Variants in RSRC1 observed in about 807,000 individuals in gnomAD.
RSRC1 encodes serine/Arginine-related protein 53.
Under a neutral mutation model 49.1 loss-of-function variants are expected in RSRC1, and 39 were observed. The observed-to-expected ratio is 0.79, with a 90% CI of 0.61 to 1.04. The LOEUF (loss-of-function observed/expected upper bound fraction) is 1.04, where lower values mean the gene tolerates loss of function less well. Ranked by LOEUF, RSRC1 falls within the 50% of genes least tolerant of loss-of-function variation. The pLI is 0.00. For missense variants in RSRC1, 388 were observed against 402.4 expected (o/e 0.96, Z 0.31); for synonymous variants, 143 against 130.8 (o/e 1.09, Z -0.63).
chr3:158,204,029 T>C (rs1421574717), intron 4 of RSRC1, among the ~76,000 whole-genome samples: 1 of 152,176 alleles, frequency 6.6e-6, no homozygotes, highest in Non-Finnish European at 1.5e-5. Flanking sequence ...TATCCTCTTT[T>C]GTCAGTCTTT....
chr3:158,364,868 TATAA>T (rs886804364), intron 6 of RSRC1, among the ~76,000 whole-genome samples: 95 of 147,722 alleles, frequency 6.4e-4, no homozygotes, highest in African/African-American at 2.2e-3. Context: ...TGTAGAGATT[TATAA>T]ATAAATTAAT....
intron 3 of RSRC1, among the ~76,000 whole-genome samples, chr3:158,155,533 G>A (rs1166307640): frequency 6.6e-6 from 1 of 151,568 alleles, no homozygotes. Flanking sequence ...CTCTCAGGCT[G>A]AAGTGATCCC....
At chr3:158,387,490 A>T (rs1733029487) in intron 6 of RSRC1, among the ~76,000 whole-genome samples, 2 of 152,164 alleles carry the variant, frequency 1.3e-5, no homozygotes, top group African/African-American at 4.8e-5. Flanking sequence ...TAAAAAAATT[A>T]AGTCAACTAG....
chr3:158,426,081 A>G (rs1423186876), intron 6 of RSRC1, among the ~76,000 whole-genome samples: 1 of 151,844 alleles, frequency 6.6e-6, no homozygotes, highest in East Asian at 2.0e-4. Context: ...GTTCATATGG[A>G]AATTTCAAAA....
rs146178723 is a variant in RSRC1, at chr3:158,499,546, A to G, written c.653-37546A>G. ...GTGTTTCCATTTGTTTGTGTCATCT[A>G]TGATTTCTTTCAGCAGTGTTTTGTA... On this transcript the variant is annotated intron_variant, in intron 7 of 9. Coordinates refer to ENST00000611884, the MANE Select transcript of RSRC1 (RefSeq NM_001271838.2). 1.1e-3 allele frequency among the ~76,000 whole-genome samples: 162 copies of G among 152,176 alleles called. 1 individual carries two copies. The highest frequency in any genetic ancestry group is 3.7e-3 in the African/African-American group (154 of 41,530).
At chr3:158,151,053 A>G (rs1000077361) in intron 3 of RSRC1, among the ~76,000 whole-genome samples, 1 of 152,194 alleles carries the variant, frequency 6.6e-6, no homozygotes, top group Admixed American at 6.5e-5. Flanking sequence ...TATCCTTTGA[A>G]TGTGTAGGGG....
intron 4 of RSRC1, among the ~76,000 whole-genome samples, chr3:158,206,808 G>A (rs982443010): frequency 2.6e-5 from 4 of 152,086 alleles, no homozygotes; most frequent in African/African-American, 9.7e-5. Context: ...CAGCTACTTG[G>A]GAGGCTGAGG....
At chr3:158,430,077 AAAAT>A (rs1413670761) in intron 6 of RSRC1, among the ~76,000 whole-genome samples, 86 of 93,458 alleles carry the variant, frequency 9.2e-4, no homozygotes, top group Middle Eastern at 5.6e-3. Flanking sequence ...ACACACAAAA[AAAAT>A]AAAATAAAAT....
chr3:158,180,804 CTTTT>C (rs71144445), intron 3 of RSRC1, among the ~76,000 whole-genome samples: 2 of 107,412 alleles, frequency 1.9e-5, no homozygotes, highest in Non-Finnish European at 3.6e-5. Flanking sequence ...GGATTATATG[CTTTT>C]TTTTTTTTTT....
At chr3:158,433,212 A>G (rs747837230) in intron 6 of RSRC1, among the ~76,000 whole-genome samples, 2 of 152,014 alleles carry the variant, frequency 1.3e-5, no homozygotes, top group Non-Finnish European at 2.9e-5. Flanking sequence ...CAGAAACTAT[A>G]CGTATTTTTT....
At chr3:158,397,144 C>T (rs973103965) in intron 6 of RSRC1, among the ~76,000 whole-genome samples, 5 of 152,136 alleles carry the variant, frequency 3.3e-5, no homozygotes, top group African/African-American at 1.2e-4. Context: ...TATTAAATAA[C>T]GAGAGATGTA....
chr3:158,376,660 A>C (rs1732393209), intron 6 of RSRC1, among the ~76,000 whole-genome samples: 5 of 152,144 alleles, frequency 3.3e-5, no homozygotes, highest in African/African-American at 9.7e-5. Context: ...CTGACCTTGA[A>C]AATCAATGTT....
chr3:158,511,949 C>T (rs1303108444), intron 7 of RSRC1, among the ~76,000 whole-genome samples: 14 of 151,718 alleles, frequency 9.2e-5, no homozygotes, highest in East Asian at 3.9e-4. Context: ...TCATGTCCTT[C>T]GCCCACTTTT....
intron 7 of RSRC1, among the ~76,000 whole-genome samples, chr3:158,475,512 G>C (rs1416095654): frequency 6.6e-6 from 1 of 152,050 alleles, no homozygotes; most frequent in African/African-American, 2.4e-5. Flanking sequence ...AAAAGTATAT[G>C]CTCATTTCAT....
intron 6 of RSRC1, among the ~76,000 whole-genome samples, chr3:158,358,289 C>T (rs1731268134): frequency 1.3e-5 from 2 of 152,082 alleles, no homozygotes; most frequent in Non-Finnish European, 1.5e-5. Context: ...CGATAATTCA[C>T]CTGGACTTAA....
chr3:158,503,304 T>C (rs1739692372), intron 7 of RSRC1, among the ~76,000 whole-genome samples: 1 of 151,972 alleles, frequency 6.6e-6, no homozygotes, highest in African/African-American at 2.4e-5. Flanking sequence ...GGGAGTGCAA[T>C]GGACTCCGTG....
At chr3:158,541,801 C>T (rs1713047186) in intron 8 of RSRC1, among the ~76,000 whole-genome samples, 1 of 151,906 alleles carries the variant, frequency 6.6e-6, no homozygotes, top group Non-Finnish European at 1.5e-5. Context: ...TTCATATTAT[C>T]CCTGTAACCT....
chr3:158,501,484 G>T (rs1414027738), intron 7 of RSRC1, among the ~76,000 whole-genome samples: 2 of 152,040 alleles, frequency 1.3e-5, no homozygotes, highest in African/African-American at 4.8e-5. Flanking sequence ...TTATTGTGTT[G>T]CTGTCTATCT....
chr3:158,441,891 A>G (rs1186726688), intron 6 of RSRC1, among the ~76,000 whole-genome samples: 1 of 152,088 alleles, frequency 6.6e-6, no homozygotes, highest in East Asian at 1.9e-4. Context: ...ATACAGGCAT[A>G]CTTCAGAGAT....
Sources: allele counts gnomAD v4.1 joint callset (sites outside exome capture counted in the v4.1 genomes callset), GRCh38; gene constraint gnomAD v4.1.1; transcripts MANE v1.5; gene names NCBI Gene and HGNC (gene_info 2026-07-23, HGNC 2026-07-21).